Variants in CFHR5 observed in about 807,000 individuals in gnomAD.
The protein encoded by CFHR5 is complement factor H-related protein 5.
In CFHR5, 73 loss-of-function variants were observed where a neutral mutation model predicts 62.9. The ratio of observed to expected loss-of-function variants is 1.16; its 90% CI spans 0.96 to 1.41. The LOEUF is 1.41. CFHR5 is among the 40% of genes most tolerant of loss of function. CFHR5 has a pLI of 0.00. For synonymous variants in CFHR5, 249 were observed against 227.2 expected, an observed-to-expected ratio of 1.10 and a Z score of -0.86; for missense variants, 779 against 679.9, an observed-to-expected ratio of 1.15 and a Z score of -1.62.
chr1:196,996,273 T>C lies in CFHR5; in HGVS notation c.970+72T>C, dbSNP rs950257036. 12 of 1,257,426 alleles carry C rather than the reference T, an allele frequency of 9.5e-6. No homozygotes were observed. In the African/African-American group the frequency reaches 1.8e-4, roughly 19 times the overall value. The allele number at this position is 1,257,426 out of a possible 1,614,324, so 77.9% of individuals were successfully genotyped here. The stretch of plus-strand genomic sequence containing the variant: ...ATTGGGATTGTATAAAGTGTATAAA[T>C]CTGGCTAGAATTACAATTTTATTGA... On this transcript the variant is annotated intron_variant, in intron 6 of 9. Transcript: ENST00000256785.
intron 7 of CFHR5, among the ~76,000 whole-genome samples, chr1:196,999,010 C>G (rs1025376304): frequency 1.3e-5 from 2 of 151,798 alleles, no homozygotes; most frequent in Non-Finnish European, 2.9e-5. Context: ...TTCTATGTAC[C>G]AATATAATTC....
chr1:196,980,141 G>A (rs1170881), intron 1 of CFHR5, among the ~76,000 whole-genome samples: 20,481 of 152,050 alleles, frequency 0.13, 1,895 homozygotes, highest in African/African-American at 0.27. Flanking sequence ...TCCACTAGAA[G>A]GTCTTTAGGG....
Position 196,977,698 on chromosome 1 carries a change from TG to T in CFHR5, c.37del (p.Val13TyrfsTer58). 6.2e-7 allele frequency: 1 copy of T among 1,613,150 alleles called. No individual in the cohort carries two copies. The highest frequency in any genetic ancestry group is 1.7e-5 in the Admixed American group (1 of 60,016). The stretch of plus-strand genomic sequence containing the variant: ...CTTATTCAGTGTAATCCTAATCTCA[TG>T]GGTATCCACTGTTGGGGGAGAAGGT... ...LLLFSVILIS[W>X]VSTVGGEGTL... is the part of the protein sequence containing the mutation. On this transcript the variant is annotated frameshift_variant, in exon 1 of 10. Transcript: ENST00000256785. LOFTEE classifies it high-confidence loss of function.
chr1:197,008,370 T>C (rs1654346311), intron 9 of CFHR5, 117 bp from the exon 10 acceptor site: 2 of 477,062 alleles, frequency 4.2e-6, no homozygotes, highest in South Asian at 6.2e-5. Flanking sequence ...TTTAAATAAA[T>C]ATTAATATTT....
In CFHR5 at chr1:196,994,118, G is replaced by T. The variant is rs1160877380; in HGVS notation, c.469G>T (p.Asp157Tyr). The change falls in exon 4 of 10, where the codon GAT becomes TAT. Residue 157 changes from aspartate to tyrosine, a missense_variant. Asp to Tyr is a radical substitution (Grantham distance 160). Transcript: ENST00000256785. ...TGTTCCAATTTTAGAAGCCAATGTA[G>T]ATGCTCAGCCAAAAAAAGAAAGCTA... Reference protein sequence around the residue: ...CHVPILEANVDAQPKKESYKV... With the variant: ...CHVPILEANVYAQPKKESYKV... 3 of 1,613,148 alleles carry T rather than the reference G, an allele frequency of 1.9e-6. No homozygotes were observed. The highest frequency in any genetic ancestry group is 2.7e-5 in the African/African-American group (2 of 74,798).
chr1:196,988,088 C>T (rs1484389680), intron 3 of CFHR5, among the ~76,000 whole-genome samples: 3 of 152,024 alleles, frequency 2.0e-5, no homozygotes, highest in Non-Finnish European at 2.9e-5. Context: ...TCTTCACATC[C>T]CTTGTAAATA....
intron 1 of CFHR5, among the ~76,000 whole-genome samples, chr1:196,978,842 A>G (rs1457316915): frequency 1.3e-5 from 2 of 152,130 alleles, no homozygotes; most frequent in Non-Finnish European, 2.9e-5. Flanking sequence ...GAAGCAGAGG[A>G]AGATAAGTGA....
chr1:196,983,775 T>C (rs1653604061), intron 2 of CFHR5, among the ~76,000 whole-genome samples, 186 bp from the exon 3 acceptor site: 1 of 152,116 alleles, frequency 6.6e-6, no homozygotes, highest in Admixed American at 6.5e-5. Flanking sequence ...AATATTAACT[T>C]TCGTATATAT....
chr1:196,998,626 A>G (rs1348495195), intron 7 of CFHR5, among the ~76,000 whole-genome samples: 4 of 152,058 alleles, frequency 2.6e-5, no homozygotes, highest in Non-Finnish European at 4.4e-5. Context: ...TAAAACCCCA[A>G]TTATGCACTG....
At chr1:196,985,695 A>G (rs1653667418) in intron 3 of CFHR5, among the ~76,000 whole-genome samples, 1 of 152,178 alleles carries the variant, frequency 6.6e-6, no homozygotes, top group East Asian at 1.9e-4. Flanking sequence ...AAGCTTGACA[A>G]ATTAAGTTTG....
intron 3 of CFHR5, among the ~76,000 whole-genome samples, chr1:196,987,802 T>A (rs1041251778): frequency 6.6e-6 from 1 of 152,214 alleles, no homozygotes; most frequent in Non-Finnish European, 1.5e-5. Flanking sequence ...TTAGGTAGCC[T>A]GATGCCTCCA....
chr1:196,985,581 A>G (rs1285821771), intron 3 of CFHR5, among the ~76,000 whole-genome samples: 2 of 152,180 alleles, frequency 1.3e-5, no homozygotes, highest in African/African-American at 2.4e-5. Context: ...GTTATGGTAT[A>G]AATATTTCCA....
chr1:197,003,701 G>A (rs1043938518), intron 8 of CFHR5, among the ~76,000 whole-genome samples: 2 of 152,102 alleles, frequency 1.3e-5, no homozygotes, highest in African/African-American at 4.8e-5. Context: ...AAGAATGTGG[G>A]GTGATAAAGT....
chr1:197,001,078 A>G (rs1463170255), intron 7 of CFHR5, among the ~76,000 whole-genome samples: 1 of 152,190 alleles, frequency 6.6e-6, no homozygotes, highest in African/African-American at 2.4e-5. Context: ...AACAACACTG[A>G]TCACAAAAGA....
At chr1:196,978,437 A>G (rs1445217688) in intron 1 of CFHR5, among the ~76,000 whole-genome samples, 2 of 152,168 alleles carry the variant, frequency 1.3e-5, no homozygotes, top group African/African-American at 4.8e-5. Flanking sequence ...GGTCTAGGAT[A>G]CTGATTAAAC....
At chr1:196,979,252 T>TTGTGTGTG (rs1304002381) in intron 1 of CFHR5, among the ~76,000 whole-genome samples, 11 of 100,932 alleles carry the variant, frequency 1.1e-4, no homozygotes, top group African/African-American at 5.7e-4. Flanking sequence ...ATATAGGTAA[T>TTGTGTGTG]TGTCTGTGTG....
At chr1:196,980,724 G>T (rs1055991666) in intron 1 of CFHR5, among the ~76,000 whole-genome samples, 4 of 151,902 alleles carry the variant, frequency 2.6e-5, no homozygotes, top group Non-Finnish European at 5.9e-5. Context: ...GTAACGGCAG[G>T]CTTGCCAAAG....
In CFHR5 at chr1:196,979,047, G is replaced by A. The variant is rs116334843; in HGVS notation, c.58+1325G>A. Among the ~76,000 whole-genome samples, 1,186 of 152,146 alleles carry A rather than the reference G, an allele frequency of 7.8e-3. 19 individuals carry two copies. Among genetic ancestry groups the A allele is most frequent in the African/African-American group, 0.026 (1,073 of 41,530 alleles). On this transcript the variant is annotated intron_variant, in intron 1 of 9. Coordinates refer to ENST00000256785, the MANE Select transcript of CFHR5 (RefSeq NM_030787.4). ...TGGCCAAACAGCAGAAATAACAGAC[G>A]AAAGCAACACTTTTGTACAAATAGA... is the stretch of plus-strand genomic sequence containing the variant.
intron 8 of CFHR5, among the ~76,000 whole-genome samples, chr1:197,003,379 A>G (rs1221631415): frequency 1.3e-5 from 2 of 152,106 alleles, no homozygotes; most frequent in African/African-American, 2.4e-5. Flanking sequence ...AGGCTGCACC[A>G]TATAGCCTAG....
Sources: gnomAD v4.1 joint callset for allele counts (sites outside exome capture counted in the v4.1 genomes callset) on GRCh38, gnomAD v4.1.1 for gene constraint, MANE v1.5 for transcripts, NCBI Gene and HGNC (gene_info 2026-07-23, HGNC 2026-07-21) for gene names.